The following TBXAS1 variants were observed in gnomAD, a reference collection of about 807,000 sequenced individuals.
The protein encoded by TBXAS1 is thromboxane-A synthase.
TBXAS1 carries 48 observed loss-of-function variants against 60.7 expected under a neutral mutation model. The ratio of observed to expected loss-of-function variants is 0.79; its 90% confidence interval spans 0.63 to 1.01. TBXAS1 has a LOEUF of 1.01. Among genes scored for constraint, TBXAS1 ranks in the 50% least tolerant of loss-of-function variants. The pLI is 0.00. For synonymous variants in TBXAS1, 287 were observed against 269.7 expected, an observed-to-expected ratio of 1.06 and a Z score of -0.63; for missense variants, 685 against 686.3, an observed-to-expected ratio of 1.00 and a Z score of 0.02.
intron 1 of TBXAS1, among the ~76,000 whole-genome samples, chr7:139,833,685 A>C (rs1392440877): frequency 6.7e-6 from 1 of 149,152 alleles, no homozygotes; most frequent in Non-Finnish European, 1.5e-5. Context: ...ACTCTTTCTC[A>C]AAAAAATAAA....
chr7:140,003,072 C>T (rs1813789732), intron 9 of TBXAS1, among the ~76,000 whole-genome samples: 2 of 145,438 alleles, frequency 1.4e-5, no homozygotes. Flanking sequence ...TGCAGTGAGC[C>T]GAGACCGGGC....
chr7:139,804,011 C>G (rs550582792), intron 4 of TBXAS1, among the ~76,000 whole-genome samples: 1 of 152,294 alleles, frequency 6.6e-6, no homozygotes, highest in East Asian at 1.9e-4. Context: ...CCTAGTGGAG[C>G]TGTGAGAAGA....
At chr7:139,834,322 G>A (rs1263964618) in intron 1 of TBXAS1, among the ~76,000 whole-genome samples, 1 of 152,188 alleles carries the variant, frequency 6.6e-6, no homozygotes, top group Non-Finnish European at 1.5e-5. Flanking sequence ...GCAGTGCTAA[G>A]AGGAAAGTTC....
rs1429006081 is a variant in TBXAS1, at chr7:139,847,626, C to T, written c.89+18147C>T. 2.0e-5 allele frequency among the ~76,000 whole-genome samples: 3 copies of T among 152,212 alleles called. No homozygotes were observed. The East Asian group carries it at 5.8e-4, about 29-fold the overall frequency. ...CTCCACTTATCCTTCTCTTCCCAGC[C>T]TAGTGACTTGAAAGAGGACTTTGTA... On this transcript the variant is annotated intron_variant, in intron 1 of 12. Transcript: ENST00000448866.
intron 9 of TBXAS1, among the ~76,000 whole-genome samples, chr7:139,986,292 T>G (rs1812453350): frequency 6.6e-6 from 1 of 152,208 alleles, no homozygotes; most frequent in Non-Finnish European, 1.5e-5. Context: ...CAGAGTTAAG[T>G]TGACTAGGGC....
At chr7:139,829,664 G>A (rs945411733) in intron 1 of TBXAS1, among the ~76,000 whole-genome samples, 185 bp downstream of exon 1, 14 of 152,210 alleles carry the variant, frequency 9.2e-5, no homozygotes, top group Non-Finnish European at 1.8e-4. Context: ...AAATGCATGA[G>A]ATTGAAGTGT....
At chr7:139,876,887 G>A (rs2116842540) in intron 3 of TBXAS1, among the ~76,000 whole-genome samples, 1 of 151,972 alleles carries the variant, frequency 6.6e-6, no homozygotes, top group South Asian at 2.1e-4. Flanking sequence ...TGGACTTCTG[G>A]GTGTATCTGC....
Position 140,007,147 on chromosome 7 carries a change from T to G in TBXAS1, c.1191T>G (p.Ile397Met). 1 of 1,614,166 alleles carries G rather than the reference T, an allele frequency of 6.2e-7. No individual in the cohort carries two copies. The highest frequency in any genetic ancestry group is 8.5e-7 in the Non-Finnish European group (1 of 1,180,014). ...EEGLPYLDMV[I>M]AETLRMYPPA... ...GCCTGCCCTATCTGGACATGGTGATTGCAGAGACGCTGAGGATGTACCCGC... is the reference window on the plus strand; with the variant it reads ...GCCTGCCCTATCTGGACATGGTGATGGCAGAGACGCTGAGGATGTACCCGC... The change falls in exon 10 of 13, where the codon ATT becomes ATG. Residue 397 changes from isoleucine (I) to methionine (M), a missense_variant. Physicochemically the swap from Ile to Met is conservative, Grantham distance 10 (BLOSUM62 1). Transcript: ENST00000448866.
intron 4 of TBXAS1, among the ~76,000 whole-genome samples, chr7:139,821,081 T>A (rs1438232532): frequency 6.6e-6 from 1 of 152,182 alleles, no homozygotes; most frequent in African/African-American, 2.4e-5. Flanking sequence ...TGAGGGAGAC[T>A]TCATAGGCAG....
intron 4 of TBXAS1, among the ~76,000 whole-genome samples, chr7:139,912,843 A>G (rs920956973): frequency 1.3e-5 from 2 of 152,176 alleles, no homozygotes; most frequent in African/African-American, 2.4e-5. Flanking sequence ...TATCATCTCT[A>G]TTTTATAGAC....
intron 9 of TBXAS1, among the ~76,000 whole-genome samples, chr7:139,970,929 G>T (rs1811150030): frequency 6.6e-6 from 1 of 152,122 alleles, no homozygotes; most frequent in African/African-American, 2.4e-5. Context: ...CAGCCCCTTA[G>T]CTTCCCTACT....
At chr7:139,914,200 TA>T (rs3841775) in intron 4 of TBXAS1, among the ~76,000 whole-genome samples, 101 of 146,500 alleles carry the variant, frequency 6.9e-4, no homozygotes, top group African/African-American at 6.2e-4. Context: ...TGGCTAATTT[TA>T]AAAAAAAAAA....
chr7:139,836,115 T>C (rs1473415103), intron 1 of TBXAS1, among the ~76,000 whole-genome samples: 1 of 144,948 alleles, frequency 6.9e-6, no homozygotes, highest in African/African-American at 2.5e-5. Context: ...AACCAAAGAG[T>C]TGAAAAGCCT....
At chr7:139,806,165 C>T (rs1000022467) in intron 4 of TBXAS1, among the ~76,000 whole-genome samples, 1 of 151,998 alleles carries the variant, frequency 6.6e-6, no homozygotes, top group Non-Finnish European at 1.5e-5. Flanking sequence ...TCTTGAACTC[C>T]TGACCTCAAG....
At chr7:139,913,833 T>C (rs967523936) in intron 4 of TBXAS1, 1 of 152,456 alleles carries the variant, frequency 6.6e-6, no homozygotes, top group African/African-American at 2.4e-5. Flanking sequence ...CCCTTGTGTC[T>C]TAGATCCATT....
At chr7:139,939,475 T>A (rs970980331) in intron 5 of TBXAS1, among the ~76,000 whole-genome samples, 1 of 142,918 alleles carries the variant, frequency 7.0e-6, no homozygotes, top group Non-Finnish European at 1.5e-5. Flanking sequence ...TTGAAAGGCA[T>A]TTTTTTCTAC....
In TBXAS1 at chr7:139,968,442, G is replaced by A. The variant is rs534999591; in HGVS notation, c.1134+6209G>A. Among the ~76,000 whole-genome samples the A allele has an allele frequency of 3.3e-5, 5 of 152,260 alleles. No individual in the cohort carries two copies. In the South Asian group the frequency reaches 1.0e-3, roughly 31 times the overall value. On this transcript the variant is annotated intron_variant, in intron 9 of 12. Coordinates refer to ENST00000448866, the MANE Select transcript of TBXAS1 (RefSeq NM_001061.7). ...CCCAAGTAGCTGGAATTACAGGTGT[G>A]TGCCACCATGCCTGGCTAATTTTTG...
At chr7:139,929,394 G>A (rs1807135884) in intron 4 of TBXAS1, among the ~76,000 whole-genome samples, 1 of 152,136 alleles carries the variant, frequency 6.6e-6, no homozygotes, top group African/African-American at 2.4e-5. Flanking sequence ...ATGTGATGGA[G>A]TGATGGCTAA....
intron 1 of TBXAS1, among the ~76,000 whole-genome samples, chr7:139,863,874 G>A (rs1304000228): frequency 2.6e-5 from 4 of 152,136 alleles, no homozygotes; most frequent in Non-Finnish European, 4.4e-5. Flanking sequence ...CCCATAGCAC[G>A]ACTAATCAAG....
Sources: gnomAD v4.1 joint callset for allele counts (sites outside exome capture counted in the v4.1 genomes callset) on GRCh38, gnomAD v4.1.1 for gene constraint, MANE v1.5 for transcripts, NCBI Gene and HGNC (gene_info 2026-07-23, HGNC 2026-07-21) for gene names.